The following FYN variants were observed in gnomAD, a reference collection of about 807,000 sequenced individuals.
The protein encoded by FYN is tyrosine-protein kinase Fyn.
A neutral mutation model predicts 70.2 loss-of-function variants in FYN; 10 were observed. The observed-to-expected ratio is 0.14, with a 90% CI of 0.09 to 0.24. The LOEUF (loss-of-function observed/expected upper bound fraction) is 0.24, where lower values mean the gene tolerates loss of function less well. Among genes scored for constraint, FYN ranks in the 10% least tolerant of loss-of-function variants. The pLI is 1.00. For missense variants in FYN, 319 were observed against 673.1 expected, an observed-to-expected ratio of 0.47 and a Z score of 5.82; for synonymous variants, 236 against 248.6, an observed-to-expected ratio of 0.95 and a Z score of 0.48.
chr6:111,829,057 A>G (rs972179572), intron 2 of FYN, among the ~76,000 whole-genome samples: 2 of 152,236 alleles, frequency 1.3e-5, no homozygotes, highest in African/African-American at 4.8e-5. Flanking sequence ...TTTTCCACAC[A>G]TCTCCTGGGA....
chr6:111,751,000 C>T (rs1229571182), intron 3 of FYN, among the ~76,000 whole-genome samples: 1 of 152,090 alleles, frequency 6.6e-6, no homozygotes, highest in South Asian at 2.1e-4. Context: ...AATGACCCTG[C>T]ATTTCTCTTT....
intron 2 of FYN, among the ~76,000 whole-genome samples, chr6:111,796,853 T>C (rs1020017261): frequency 2.0e-5 from 3 of 152,128 alleles, no homozygotes; most frequent in East Asian, 3.9e-4. Flanking sequence ...AATGAGATGA[T>C]GAGTCAGGAT....
At chr6:111,744,277 A>G (rs1266369932) in intron 3 of FYN, among the ~76,000 whole-genome samples, 1 of 152,256 alleles carries the variant, frequency 6.6e-6, no homozygotes, top group East Asian at 1.9e-4. Context: ...CCTGTGTCCT[A>G]GCAGAGATTT....
chr6:111,683,356 G>C (rs925884602), intron 12 of FYN, among the ~76,000 whole-genome samples: 1 of 152,194 alleles, frequency 6.6e-6, no homozygotes, highest in African/African-American at 2.4e-5. Context: ...GACAGGCCTG[G>C]GTGGGCCCAG....
At chr6:111,664,152 C>T (rs970696736) in intron 13 of FYN, among the ~76,000 whole-genome samples, 3 of 152,188 alleles carry the variant, frequency 2.0e-5, no homozygotes. Flanking sequence ...AAAGCATTTG[C>T]CTTGCCGCAT....
intron 2 of FYN, among the ~76,000 whole-genome samples, chr6:111,840,765 A>G (rs940630706): frequency 1.2e-4 from 19 of 152,244 alleles, no homozygotes; most frequent in Non-Finnish European, 2.6e-4. Flanking sequence ...GGGCACTGAC[A>G]AAAGCATCTT....
chr6:111,765,604 T>A (rs1210080549), intron 3 of FYN, among the ~76,000 whole-genome samples: 1 of 152,198 alleles, frequency 6.6e-6, no homozygotes, highest in African/African-American at 2.4e-5. Flanking sequence ...TGGCGTGTGT[T>A]ATCTATGAAT....
rs566371542 is a variant in FYN at position 111,840,820 on chromosome 6, C to T, written c.-82+5769G>A. 2.2e-4 allele frequency among the ~76,000 whole-genome samples: 34 copies of T among 152,322 alleles called. 1 individual carries two copies. In the South Asian group the frequency reaches 6.6e-3, roughly 30 times the overall value. On this transcript the variant is annotated intron_variant, in intron 2 of 13. Coordinates refer to ENST00000354650, the MANE Select transcript of FYN (RefSeq NM_002037.5). ...TATTTTATTAATAATCTTTCCTTCA[C>T]ATGCAATTTCAGCAGATAATAAGTC... is the stretch of plus-strand genomic sequence containing the variant.
chr6:111,777,431 T>C (rs1770995041), intron 3 of FYN, among the ~76,000 whole-genome samples: 1 of 152,204 alleles, frequency 6.6e-6, no homozygotes, highest in Non-Finnish European at 1.5e-5. Flanking sequence ...TCTCAGAGTT[T>C]CTCAGCTTGG....
At position 111,677,268 on chromosome 6, in the gene FYN, T is replaced by G. The variant is rs530032095; in HGVS notation, c.1274-2638A>C. 2.6e-5 allele frequency among the ~76,000 whole-genome samples: 4 copies of G among 152,362 alleles called. No homozygotes were observed. In the East Asian group the frequency reaches 7.7e-4, roughly 29 times the overall value. On this transcript the variant is annotated intron_variant, in intron 12 of 13. Transcript: ENST00000354650. Reference sequence around the variant, plus strand: ...CTGCTTTCAACAAAAGAAGCTTCTTTATAGATAACTCATTTTCCTTTTCAA... The same window carrying G: ...CTGCTTTCAACAAAAGAAGCTTCTTGATAGATAACTCATTTTCCTTTTCAA...
At chr6:111,711,743 G>T (rs1004646457) in intron 5 of FYN, among the ~76,000 whole-genome samples, 3 of 152,356 alleles carry the variant, frequency 2.0e-5, no homozygotes, top group South Asian at 2.1e-4. Context: ...TGGGGGAGGG[G>T]AGGAGCCGTG....
chr6:111,687,429 T>C (rs1799055290), intron 12 of FYN, among the ~76,000 whole-genome samples: 1 of 152,174 alleles, frequency 6.6e-6, no homozygotes, highest in African/African-American at 2.4e-5. Context: ...TATGTTTCCT[T>C]GACATTTGTT....
Position 111,694,141 on chromosome 6 carries a change from C to A in FYN, c.1273+234G>T, listed in dbSNP as rs1312196173. ...GCCAAGAGGACCACAGCAGCAAATACCAATACCCACCCACCCACCAAAAAC... is the reference window on the plus strand; with the variant it reads ...GCCAAGAGGACCACAGCAGCAAATAACAATACCCACCCACCCACCAAAAAC... On this transcript the variant is annotated intron_variant, in intron 12 of 13. Transcript: ENST00000354650. The surrounding 1 kb of genome is among the most constrained non-coding windows in gnomAD (Gnocchi z 5.0). 6.6e-6 allele frequency among the ~76,000 whole-genome samples: 1 copy of A among 152,146 alleles called. No homozygotes were observed. The highest frequency in any genetic ancestry group is 1.5e-5 in the Non-Finnish European group (1 of 68,032).
intron 2 of FYN, among the ~76,000 whole-genome samples, chr6:111,842,660 G>C (rs1481401811): frequency 6.6e-6 from 1 of 152,176 alleles, no homozygotes; most frequent in Admixed American, 6.5e-5. Flanking sequence ...AAACTTGTAT[G>C]AATTAATTTT....
chr6:111,755,994 A>C (rs1418144677), intron 3 of FYN, among the ~76,000 whole-genome samples: 3 of 152,280 alleles, frequency 2.0e-5, no homozygotes, highest in East Asian at 3.9e-4. Context: ...AAGAAAGCAG[A>C]AGAAGAAAAT....
intron 3 of FYN, among the ~76,000 whole-genome samples, chr6:111,750,585 A>C (rs932297829): frequency 2.6e-5 from 4 of 152,186 alleles, no homozygotes; most frequent in African/African-American, 9.7e-5. Flanking sequence ...GAGGTAACCA[A>C]GTAAATATTT....
At chr6:111,737,962 A>G (rs1801781817) in intron 3 of FYN, among the ~76,000 whole-genome samples, 1 of 152,194 alleles carries the variant, frequency 6.6e-6, no homozygotes, top group Non-Finnish European at 1.5e-5. Context: ...TTGGTACCAG[A>G]GCATTTTTAC....
At chr6:111,793,010 C>T (rs1771678039) in intron 2 of FYN, among the ~76,000 whole-genome samples, 1 of 152,112 alleles carries the variant, frequency 6.6e-6, no homozygotes, top group Non-Finnish European at 1.5e-5. Context: ...AGAATTTGTG[C>T]ACTTTTCTGC....
At chr6:111,749,514 A>G (rs1370831113) in intron 3 of FYN, among the ~76,000 whole-genome samples, 2 of 152,252 alleles carry the variant, frequency 1.3e-5, no homozygotes, top group African/African-American at 4.8e-5. Flanking sequence ...TTATTAAAAC[A>G]TGAACACAAA....
Sources: allele counts gnomAD v4.1 joint callset (sites outside exome capture counted in the v4.1 genomes callset), GRCh38; gene constraint gnomAD v4.1.1; non-coding constraint Gnocchi (gnomAD v3.1); transcripts MANE v1.5; gene names NCBI Gene and HGNC (gene_info 2026-07-23, HGNC 2026-07-21).